The following GRIA2 variants were observed in gnomAD, a reference collection of about 807,000 sequenced individuals.
GRIA2 encodes glutamate ionotropic receptor AMPA type subunit 2.
GRIA2 carries 14 observed loss-of-function variants against 97.3 expected under a neutral mutation model. That is an observed-to-expected ratio of 0.14 (90% CI 0.10 to 0.23). The LOEUF (loss-of-function observed/expected upper bound fraction) is 0.23. GRIA2 is among the 10% of genes least tolerant of loss of function. GRIA2 has a pLI of 1.00. For synonymous variants in GRIA2, 412 were observed against 387.8 expected (o/e 1.06, Z -0.73); for missense variants, 558 against 1,069.8 (o/e 0.52, Z 6.67).
chr4:157,321,865 T>G lies in GRIA2; in HGVS notation c.882+266T>G, dbSNP rs1424544094. 4.6e-5 allele frequency among the ~76,000 whole-genome samples: 7 copies of G among 152,150 alleles called. 1 individual carries two copies. The South Asian group carries it at 8.3e-4, about 18-fold the overall frequency. ...TAAATTCATTCATTTATTAATCCAT[T>G]TGGCATTTTTATTGAGTGGATTCTG... On this transcript the variant is annotated intron_variant, in intron 6 of 15. Transcript: ENST00000264426.
chr4:157,333,491 G>T (rs1735150473), intron 8 of GRIA2, 138 bp downstream of exon 8: 1 of 419,598 alleles, frequency 2.4e-6, no homozygotes, highest in South Asian at 7.1e-5. Flanking sequence ...ATATTTTGAA[G>T]TTTTTTTTTC....
intron 7 of GRIA2, 108 bp downstream of exon 7, chr4:157,333,094 A>C: frequency 9.9e-7 from 1 of 1,006,284 alleles, no homozygotes; most frequent in South Asian, 1.7e-5. Flanking sequence ...TATACAGGCA[A>C]TGTTCTTTTC....
intron 6 of GRIA2, 126 bp from the exon 7 acceptor site, chr4:157,332,693 A>G (rs1735109307): frequency 3.2e-6 from 2 of 628,286 alleles, no homozygotes; most frequent in Non-Finnish European, 2.8e-6. Context: ...AGATGCAGAA[A>G]TTGTGTTTAA....
chr4:157,343,756 G>A (rs1438011949), intron 12 of GRIA2, among the ~76,000 whole-genome samples: 7 of 152,006 alleles, frequency 4.6e-5, no homozygotes, highest in Non-Finnish European at 8.8e-5. Flanking sequence ...AAAGAGAATA[G>A]GAACTGTATA....
At position 157,350,098 on chromosome 4, in the gene GRIA2, T is replaced by C. The variant is rs137900920; in HGVS notation, c.2043+8636T>C. Among the ~76,000 whole-genome samples the C allele has an allele frequency of 5.8e-3, 879 of 152,292 alleles. 16 individuals carry two copies. Among genetic ancestry groups the C allele is most frequent in the Middle Eastern group, 0.048 (14 of 294 alleles). ...GTTTTGTTTTCATTGTTATGGTCTT[T>C]AGAAAGTTCTTATAAGATCAAAACT... On this transcript the variant is annotated intron_variant, in intron 12 of 15. Transcript: ENST00000264426.
At chr4:157,330,599 T>C (rs1443176049) in intron 6 of GRIA2, among the ~76,000 whole-genome samples, 1 of 151,964 alleles carries the variant, frequency 6.6e-6, no homozygotes, top group Non-Finnish European at 1.5e-5. Flanking sequence ...CACAGTAATG[T>C]ATTATTGATT....
intron 2 of GRIA2, among the ~76,000 whole-genome samples, chr4:157,266,517 G>T (rs187706290): frequency 6.6e-6 from 1 of 152,172 alleles, no homozygotes; most frequent in African/African-American, 2.4e-5. Context: ...GAATGCTGCT[G>T]AGAGGTCAGT....
intron 12 of GRIA2, among the ~76,000 whole-genome samples, chr4:157,356,531 T>A (rs1347286982): frequency 1.3e-5 from 2 of 152,052 alleles, no homozygotes. Flanking sequence ...GTGGTGATCA[T>A]CATTGCCTGG....
At chr4:157,350,951 T>G (rs1419756261) in intron 12 of GRIA2, among the ~76,000 whole-genome samples, 1 of 148,700 alleles carries the variant, frequency 6.7e-6, no homozygotes, top group Admixed American at 6.7e-5. Flanking sequence ...TTTTTTTTGC[T>G]CATTGTCCTA....
intron 12 of GRIA2, among the ~76,000 whole-genome samples, chr4:157,350,931 C>CTTTTTTTTTTTTTT (rs1240937135): frequency 8.5e-6 from 1 of 117,532 alleles, no homozygotes; most frequent in Non-Finnish European, 1.8e-5. Flanking sequence ...TTAGTTTTTT[C>CTTTTTTTTTTTTTT]TTTTTTTTTT....
chr4:157,350,308 T>C (rs1258554774), intron 12 of GRIA2, among the ~76,000 whole-genome samples: 1 of 152,152 alleles, frequency 6.6e-6, no homozygotes, highest in African/African-American at 2.4e-5. Context: ...ACCCTTGTTA[T>C]GGTTTTCATA....
chr4:157,269,672 T>G (rs1291580024), intron 2 of GRIA2, among the ~76,000 whole-genome samples: 1 of 152,120 alleles, frequency 6.6e-6, no homozygotes, highest in Non-Finnish European at 1.5e-5. Context: ...AGGTGTTTCA[T>G]CATTTAACAA....
chr4:157,318,098 A>G (rs1311863552), intron 5 of GRIA2, among the ~76,000 whole-genome samples: 1 of 152,112 alleles, frequency 6.6e-6, no homozygotes, highest in Non-Finnish European at 1.5e-5. Context: ...ATTATAAATG[A>G]TATAAGAATT....
rs528313180 is a variant in GRIA2, at chr4:157,321,591, A to T, written c.874A>T (p.Thr292Ser). 1.2e-6 allele frequency: 2 copies of T among 1,605,606 alleles called. No homozygotes were observed. The highest frequency in any genetic ancestry group is 1.7e-6 in the Non-Finnish European group (2 of 1,175,684). The stretch of plus-strand genomic sequence containing the variant: ...AGAATACCCTGGAGCTCACACAACA[A>T]CAATTAAGGTTTGCTTTGGTTTCTG... Reference protein sequence around the residue: ...EKEYPGAHTTTIKYTSALTYD... With the variant: ...EKEYPGAHTTSIKYTSALTYD... Residue 292 changes from threonine to serine, a missense_variant, in exon 6 of 16, where the codon ACA becomes TCA. Physicochemically the swap from Thr to Ser is moderately conservative, Grantham distance 58. This residue lies in a region of GRIA2 where 173 missense variants were observed against 209.1 expected (regional missense o/e 0.83). Transcript: ENST00000264426.
In GRIA2 at chr4:157,359,441, G is replaced by A. The variant is rs111978178; in HGVS notation, c.2044-455G>A. 4.1e-3 allele frequency among the ~76,000 whole-genome samples: 631 copies of A among 152,138 alleles called. 5 individuals carry two copies. Among genetic ancestry groups the A allele is most frequent in the African/African-American group, 0.014 (600 of 41,510 alleles). Reference sequence around the variant, plus strand: ...CGTAATATTATCTTTATTCCACAGCGAATAGGCATTTCATTAGAATCTCAC... The same window carrying A: ...CGTAATATTATCTTTATTCCACAGCAAATAGGCATTTCATTAGAATCTCAC... On this transcript the variant is annotated intron_variant, in intron 12 of 15. Coordinates refer to ENST00000264426, the MANE Select transcript of GRIA2 (RefSeq NM_001083619.3).
intron 6 of GRIA2, among the ~76,000 whole-genome samples, chr4:157,328,408 G>A (rs1579367507): frequency 6.6e-6 from 1 of 152,002 alleles, no homozygotes; most frequent in African/African-American, 2.4e-5. Flanking sequence ...TGACTTGCAG[G>A]TAGGCAGACA....
rs1040716515 is a variant in GRIA2 at position 157,364,355 on chromosome 4, T to C, written c.*924T>C. On this transcript the variant is annotated 3_prime_UTR_variant, in exon 16 of 16. Coordinates refer to ENST00000264426, the MANE Select transcript of GRIA2 (RefSeq NM_001083619.3). ...ATAAATCAAGTGAGTTTAAAGACACTACCAAGTTGTTAGGTGCCCAGAGAA... is the reference window on the plus strand; with the variant it reads ...ATAAATCAAGTGAGTTTAAAGACACCACCAAGTTGTTAGGTGCCCAGAGAA... 5 of 152,424 alleles carry C rather than the reference T, an allele frequency of 3.3e-5. No individual in the cohort carries two copies. Among genetic ancestry groups the C allele is most frequent in the Non-Finnish European group, 5.9e-5 (4 of 67,946 alleles). 9.4% of individuals were successfully genotyped at this position (152,424 alleles called of 1,614,324 possible). A position where few individuals can be genotyped will look rare whatever the true frequency, so the allele number is the denominator to read the frequency against.
In GRIA2 at chr4:157,362,840, A is replaced by G. The variant is rs776865310; in HGVS notation, c.2448A>G (p.Val816=). The G allele has an allele frequency of 3.1e-6, 5 of 1,613,456 alleles. No individual in the cohort carries two copies. The highest frequency in any genetic ancestry group is 8.5e-7 in the Non-Finnish European group (1 of 1,179,580). Residue 816 remains valine (V), a synonymous_variant, in exon 15 of 16, where the codon GTA becomes GTG. Coordinates refer to ENST00000264426, the MANE Select transcript of GRIA2 (RefSeq NM_001083619.3). ...TCAGTCTGAGCAACGTTGCTGGAGT[A>G]TTCTACATCCTTGTCGGGGGCCTTG... is the stretch of plus-strand genomic sequence containing the variant. ...SALSLSNVAG[V]FYILVGGLGL...
intron 12 of GRIA2, among the ~76,000 whole-genome samples, chr4:157,358,609 CT>C (rs1209633203): frequency 3.9e-5 from 6 of 152,244 alleles, no homozygotes; most frequent in African/African-American, 9.6e-5. Context: ...GACCACTGAG[CT>C]GAAATGATCC....
Sources: allele counts gnomAD v4.1 joint callset (sites outside exome capture counted in the v4.1 genomes callset), GRCh38; gene constraint gnomAD v4.1.1; regional missense constraint gnomAD v4.1.1; transcripts MANE v1.5; gene names NCBI Gene and HGNC (gene_info 2026-07-23, HGNC 2026-07-21).